ANKRD12: variants seen among roughly 807,000 people sequenced by gnomAD.
ANKRD12 encodes the protein ankyrin repeat domain 12.
A neutral mutation model predicts 183.4 loss-of-function variants in ANKRD12; 85 were observed. The ratio of observed to expected loss-of-function variants is 0.46; its 90% confidence interval spans 0.39 to 0.56. The LOEUF is 0.56. Among genes scored for constraint, ANKRD12 ranks in the 20% least tolerant of loss-of-function variants. ANKRD12 has a pLI of 0.00. For synonymous variants in ANKRD12, 914 were observed against 800.2 expected (o/e 1.14, Z -2.40); for missense variants, 2,405 against 2,357.1 (o/e 1.02, Z -0.42).
chr18:9,232,535 C>G (rs1215537314), intron 8 of ANKRD12, among the ~76,000 whole-genome samples: 1 of 151,836 alleles, frequency 6.6e-6, no homozygotes, highest in Non-Finnish European at 1.5e-5. Flanking sequence ...ATACTTTTCT[C>G]TTAGTGTTTT....
At chr18:9,167,511 C>T (rs2032204315) in intron 1 of ANKRD12, among the ~76,000 whole-genome samples, 1 of 152,110 alleles carries the variant, frequency 6.6e-6, no homozygotes, top group Admixed American at 6.6e-5. Flanking sequence ...TGATTTGGCT[C>T]TCTGTTTGTT....
intron 11 of ANKRD12, among the ~76,000 whole-genome samples, chr18:9,277,358 G>T (rs930237153): frequency 1.5e-5 from 2 of 135,770 alleles, no homozygotes; most frequent in African/African-American, 5.6e-5. Context: ...AGCAGAGTCT[G>T]GCTCTGTCGC....
At chr18:9,160,468 G>A (rs1388821366) in intron 1 of ANKRD12, among the ~76,000 whole-genome samples, 1 of 152,184 alleles carries the variant, frequency 6.6e-6, no homozygotes, top group African/African-American at 2.4e-5. Context: ...ACAGTGATGT[G>A]CAGCTATTGC....
intron 1 of ANKRD12, among the ~76,000 whole-genome samples, chr18:9,145,112 T>C (rs925228793): frequency 6.6e-6 from 1 of 152,148 alleles, no homozygotes; most frequent in Non-Finnish European, 1.5e-5. Flanking sequence ...ATCATAGATA[T>C]AATGAAGTTT....
At chr18:9,167,131 A>G (rs2143892925) in intron 1 of ANKRD12, among the ~76,000 whole-genome samples, 2 of 152,332 alleles carry the variant, frequency 1.3e-5, no homozygotes, top group East Asian at 3.9e-4. Context: ...CTTGTAGTAT[A>G]GTTTGAAGTC....
At chr18:9,272,123 T>C (rs1598771635) in intron 10 of ANKRD12, among the ~76,000 whole-genome samples, 1 of 152,306 alleles carries the variant, frequency 6.6e-6, no homozygotes, top group East Asian at 1.9e-4. Context: ...TAGAGGACAC[T>C]GTTTGAGAGG....
Position 9,281,160 on chromosome 18 carries a change from T to C in ANKRD12, c.*34T>C. ...ACTTCCTGATGGTATTGTCCTAAAC[T>C]GGTGATGCTCAAGCATTATACTGTG... On this transcript the variant is annotated 3_prime_UTR_variant, in exon 13 of 13. Coordinates refer to ENST00000262126, the MANE Select transcript of ANKRD12 (RefSeq NM_015208.5). The C allele has an allele frequency of 6.4e-7, 1 of 1,562,830 alleles. No individual in the cohort carries two copies. The highest frequency in any genetic ancestry group is 8.7e-7 in the Non-Finnish European group (1 of 1,144,904).
At position 9,255,486 on chromosome 18, in the gene ANKRD12, A is replaced by G. The variant is rs2038553324; in HGVS notation, c.2219A>G (p.His740Arg). Residue 740 changes from histidine to arginine, a missense_variant, in exon 9 of 13, where the codon CAT becomes CGT. This residue lies in a region of ANKRD12 where 1,983 missense variants were observed against 1,725.9 expected (regional missense o/e 1.15). Transcript: ENST00000262126. ...GATGATAAATCAACCAAGGAAAAGC[A>G]TGTGTCAAAAGAGAGGAACTTTAAA... ...IKDDKSTKEK[H>R]VSKERNFKEE... is the part of the protein sequence containing the mutation. 1 of 1,569,956 alleles carries G rather than the reference A, an allele frequency of 6.4e-7. No individual in the cohort carries two copies. Among genetic ancestry groups the G allele is most frequent in the Non-Finnish European group, 8.6e-7 (1 of 1,167,038 alleles).
chr18:9,268,107 G>C (rs1367302183), intron 10 of ANKRD12, among the ~76,000 whole-genome samples: 4 of 152,154 alleles, frequency 2.6e-5, no homozygotes, highest in Non-Finnish European at 5.9e-5. Flanking sequence ...AACAGGCTCT[G>C]AAATTGAGGC....
intron 8 of ANKRD12, among the ~76,000 whole-genome samples, chr18:9,243,265 C>T (rs1440080246): frequency 6.6e-6 from 1 of 152,128 alleles, no homozygotes. Context: ...GTGAAATGTT[C>T]CTCCCAATGA....
intron 2 of ANKRD12, among the ~76,000 whole-genome samples, chr18:9,183,943 A>AT (rs2033874016): frequency 6.6e-6 from 1 of 151,884 alleles, no homozygotes; most frequent in Non-Finnish European, 1.5e-5. Flanking sequence ...AATTTCTCTA[A>AT]TTTTTTTAAA....
chr18:9,138,717 G>A (rs1456680506), intron 1 of ANKRD12, among the ~76,000 whole-genome samples: 4 of 150,290 alleles, frequency 2.7e-5, no homozygotes, highest in Non-Finnish European at 4.5e-5. Context: ...CGTGTAAGAT[G>A]AAGTCGTTAT....
chr18:9,213,595 AAGT>A (rs2035927382), intron 6 of ANKRD12, among the ~76,000 whole-genome samples: 1 of 151,962 alleles, frequency 6.6e-6, no homozygotes, highest in South Asian at 2.1e-4. Flanking sequence ...TCACTTTAGT[AAGT>A]AGAGGAAGCA....
chr18:9,206,001 C>G (rs1047877312), intron 4 of ANKRD12, among the ~76,000 whole-genome samples: 1 of 152,022 alleles, frequency 6.6e-6, no homozygotes, highest in South Asian at 2.1e-4. Context: ...TTTATTCTGG[C>G]AAGACCTAAA....
At chr18:9,267,465 A>G (rs374754237) in intron 10 of ANKRD12, among the ~76,000 whole-genome samples, 1 of 152,166 alleles carries the variant, frequency 6.6e-6, no homozygotes, top group South Asian at 2.1e-4. Context: ...GGATTAAGAA[A>G]CTCACTCAAA....
Position 9,255,211 on chromosome 18 carries a change from A to C in ANKRD12, c.1944A>C (p.Lys648Asn), listed in dbSNP as rs376481754. The part of the protein sequence containing the change: ...CTLKKMDKEG[K>N]TLKKHKLKHK... Reference sequence around the variant, plus strand: ...TGAAAAAAATGGATAAAGAAGGTAAAACATTAAAAAAACATAAATTGAAGC... The same window carrying C: ...TGAAAAAAATGGATAAAGAAGGTAACACATTAAAAAAACATAAATTGAAGC... Residue 648 changes from lysine (K) to asparagine (N), a missense_variant, in exon 9 of 13, where the codon AAA becomes AAC. Around this residue, in one of 7 missense-constraint regions of ANKRD12, gnomAD observed 1,983 missense variants for 1,725.9 expected, o/e 1.15. Transcript: ENST00000262126. 1 of 1,578,060 alleles carries C rather than the reference A, an allele frequency of 6.3e-7. No individual in the cohort carries two copies. Among genetic ancestry groups the C allele is most frequent in the Non-Finnish European group, 8.5e-7 (1 of 1,169,910 alleles).
Position 9,284,861 on chromosome 18 carries a change from A to C in ANKRD12, c.*3735A>C, listed in dbSNP as rs187771057. 1.1e-4 allele frequency: 17 copies of C among 152,274 alleles called. No homozygotes were observed. The allele number at this position is 152,274 out of a possible 1,614,324, so 9.4% of individuals were successfully genotyped here. On this transcript the variant is annotated 3_prime_UTR_variant, in exon 13 of 13. Transcript: ENST00000262126. ...GGTTTTCCCAGTGGTTAAATGCTAT[A>C]TAATAACTGCAAATAAAAGTTTTTT...
intron 1 of ANKRD12, among the ~76,000 whole-genome samples, chr18:9,157,585 G>GGGTGTATA (rs1555707921): frequency 1.1e-5 from 1 of 92,706 alleles, no homozygotes; most frequent in African/African-American, 5.3e-5. Context: ...GTGTGTGTGT[G>GGGTGTATA]TATATATATA....
chr18:9,190,185 CTG>C (rs767445511), intron 2 of ANKRD12, among the ~76,000 whole-genome samples: 45 of 152,300 alleles, frequency 3.0e-4, no homozygotes, highest in Admixed American at 5.2e-4. Context: ...GAGGAACTAA[CTG>C]TAGATGGGAT....
Sources: allele counts gnomAD v4.1 joint callset (sites outside exome capture counted in the v4.1 genomes callset), GRCh38; gene constraint gnomAD v4.1.1; regional missense constraint gnomAD v4.1.1; transcripts MANE v1.5; gene names NCBI Gene and HGNC (gene_info 2026-07-23, HGNC 2026-07-21).